The following L2HGDH variants were observed in gnomAD, a reference collection of about 807,000 sequenced individuals.
The protein encoded by L2HGDH is L-2-hydroxyglutarate dehydrogenase, also known as L-2-hydroxyglutarate dehydrogenase, mitochondrial.
A neutral mutation model predicts 51.5 loss-of-function variants in L2HGDH; 34 were observed. That is an observed-to-expected ratio of 0.66 (90% confidence interval 0.50 to 0.88). L2HGDH has a LOEUF of 0.88. L2HGDH is among the 40% of genes least tolerant of loss of function. The pLI is 0.00. For synonymous variants in L2HGDH, 198 were observed against 197.9 expected (o/e 1.00, Z -0.01); for missense variants, 558 against 571.9 (o/e 0.98, Z 0.25).
chr14:50,269,880 T>A (rs1191325443), intron 6 of L2HGDH, among the ~76,000 whole-genome samples: 3 of 151,918 alleles, frequency 2.0e-5, no homozygotes, highest in Non-Finnish European at 4.4e-5. Context: ...CATTTTAAAA[T>A]TAAAGTTATT....
In L2HGDH at chr14:50,245,114, C is replaced by T. The variant is rs1887940285; in HGVS notation, c.*1944G>A. On this transcript the variant is annotated 3_prime_UTR_variant, in exon 10 of 10. Coordinates refer to ENST00000267436, the MANE Select transcript of L2HGDH (RefSeq NM_024884.3). ...GAATGTAAGGCACTTTCGCGGTTTA[C>T]AAAAGTGAATGCCTCAAAGTTAGAT... 2 of 985,618 alleles carry T rather than the reference C, an allele frequency of 2.0e-6. No homozygotes were observed. The highest frequency in any genetic ancestry group is 9.4e-5 in the South Asian group (2 of 21,284). 61.1% of individuals were successfully genotyped at this position (985,618 alleles called of 1,614,324 possible).
Position 50,283,927 on chromosome 14 carries a change from T to G in L2HGDH, c.647A>C (p.Asn216Thr), listed in dbSNP as rs574500803. The G allele has an allele frequency of 1.9e-6, 3 of 1,613,996 alleles. No individual in the cohort carries two copies. The highest frequency in any genetic ancestry group is 2.5e-6 in the Non-Finnish European group (3 of 1,180,022). Residue 216 changes from asparagine (N) to threonine (T), a missense_variant, in exon 5 of 10, where the codon AAT (asparagine) becomes ACT (threonine). Asn to Thr is a moderately conservative substitution (Grantham distance 65). Transcript: ENST00000267436. The stretch of plus-strand genomic sequence containing the variant: ...CATTTCAATACCTTTTACTTCAAAA[T>G]TGGTCAAGACAGAGCCACCTGCTTC... ...FQEAGGSVLTNFEVKGIEMAK... is the reference protein window; with the variant it reads ...FQEAGGSVLTTFEVKGIEMAK...
intron 6 of L2HGDH, among the ~76,000 whole-genome samples, chr14:50,277,814 A>C (rs998136732): frequency 3.6e-5 from 5 of 138,680 alleles, no homozygotes; most frequent in African/African-American, 1.4e-4. Flanking sequence ...TAATAATAAT[A>C]ATAATAATAA....
At position 50,302,772 on chromosome 14, in the gene L2HGDH, T is replaced by C. The variant is rs556310510; in HGVS notation, c.256+130A>G. On this transcript the variant is annotated intron_variant, in intron 2 of 9. Transcript: ENST00000267436. ...TCTCAAATAACCTATAGCCATGTCC[T>C]TGTCCCACACTCTGCTTTTAGAACA... 87 of 740,626 alleles carry C rather than the reference T, an allele frequency of 1.2e-4. 1 individual carries two copies. Among genetic ancestry groups the C allele is most frequent in the East Asian group, 2.6e-4 (10 of 38,652 alleles). The allele number at this position is 740,626 out of a possible 1,614,324, so 45.9% of individuals were successfully genotyped here.
At chr14:50,309,469 G>T (rs945179260) in intron 1 of L2HGDH, among the ~76,000 whole-genome samples, 2 of 151,996 alleles carry the variant, frequency 1.3e-5, no homozygotes, top group African/African-American at 4.8e-5. Context: ...GGCTGAGGCA[G>T]GAGAATCCCT....
intron 9 of L2HGDH, among the ~76,000 whole-genome samples, chr14:50,263,798 G>A (rs549883262): frequency 3.5e-5 from 5 of 143,902 alleles, no homozygotes; most frequent in East Asian, 4.1e-4. Flanking sequence ...TTTGTGAGAC[G>A]GAGTTTTGCT....
At chr14:50,295,449 C>G (rs967627245) in intron 3 of L2HGDH, among the ~76,000 whole-genome samples, 17 of 152,088 alleles carry the variant, frequency 1.1e-4, no homozygotes, top group Admixed American at 2.6e-4. Context: ...TCCCATTGCC[C>G]AGGCTATAGT....
intron 1 of L2HGDH, among the ~76,000 whole-genome samples, chr14:50,303,825 A>C (rs2030569942): frequency 6.6e-6 from 1 of 151,266 alleles, no homozygotes; most frequent in South Asian, 2.1e-4. Context: ...AAAAAAAAAA[A>C]AAACCTCAAA....
chr14:50,299,055 A>G (rs2030251943), intron 3 of L2HGDH, among the ~76,000 whole-genome samples: 1 of 152,092 alleles, frequency 6.6e-6, no homozygotes, highest in Non-Finnish European at 1.5e-5. Context: ...GTTTTTTGAA[A>G]GGATAAATAG....
intron 6 of L2HGDH, among the ~76,000 whole-genome samples, chr14:50,272,427 C>A (rs1160937246): frequency 6.6e-6 from 1 of 152,176 alleles, no homozygotes; most frequent in African/African-American, 2.4e-5. Context: ...CATGACCCGG[C>A]AAATCTGATG....
intron 6 of L2HGDH, among the ~76,000 whole-genome samples, chr14:50,270,424 T>C (rs968077437): frequency 6.6e-6 from 1 of 152,188 alleles, no homozygotes; most frequent in Non-Finnish European, 1.5e-5. Context: ...TCTTCCCAGA[T>C]GACCTATTTT....
intron 1 of L2HGDH, 92 bp from the exon 2 acceptor site, chr14:50,303,109 C>T: frequency 1.2e-6 from 1 of 818,852 alleles, no homozygotes; most frequent in Non-Finnish European, 2.1e-6. Context: ...GACAATTAAA[C>T]CATTAATTTG....
At chr14:50,263,261 G>C (rs1889140574) in intron 9 of L2HGDH, among the ~76,000 whole-genome samples, 1 of 152,198 alleles carries the variant, frequency 6.6e-6, no homozygotes, top group South Asian at 2.1e-4. Flanking sequence ...TGCTAAAGCA[G>C]ATCACTGAAA....
At chr14:50,258,251 T>G (rs1888796519) in intron 9 of L2HGDH, among the ~76,000 whole-genome samples, 1 of 152,090 alleles carries the variant, frequency 6.6e-6, no homozygotes, top group Middle Eastern at 3.2e-3. Flanking sequence ...GGCCTCACTC[T>G]GTCACCCAGG....
intron 9 of L2HGDH, among the ~76,000 whole-genome samples, chr14:50,253,562 G>C (rs983519243): frequency 6.6e-5 from 10 of 152,032 alleles, no homozygotes; most frequent in African/African-American, 2.4e-4. Flanking sequence ...ATGGAGAAAT[G>C]GGAAACCTCA....
chr14:50,259,621 G>A (rs1210889093), intron 9 of L2HGDH, among the ~76,000 whole-genome samples: 1 of 151,552 alleles, frequency 6.6e-6, no homozygotes, highest in Admixed American at 6.6e-5. Flanking sequence ...TTGAGGTCAG[G>A]AGTCCAGACC....
At position 50,265,509 on chromosome 14, in the gene L2HGDH, AT is replaced by A; in HGVS notation, c.1065-21del. 1 of 1,605,590 alleles carries A rather than the reference AT, an allele frequency of 6.2e-7. No homozygotes were observed. Among genetic ancestry groups the A allele is most frequent in the Non-Finnish European group, 8.5e-7 (1 of 1,174,176 alleles). On this transcript the variant is annotated intron_variant, in intron 8 of 9. Coordinates refer to ENST00000267436, the MANE Select transcript of L2HGDH (RefSeq NM_024884.3). ...AAGCCACTGAAAACAGAGAAAAAAA[AT>A]CTTTATGAGAGAAAGGAATTCTTTA...
chr14:50,291,608 C>A (rs1219238974), intron 4 of L2HGDH, among the ~76,000 whole-genome samples: 2 of 152,188 alleles, frequency 1.3e-5, no homozygotes, highest in African/African-American at 4.8e-5. Flanking sequence ...CCAGCAGCGT[C>A]TTAGGAGCTT....
At chr14:50,265,129 G>A (rs1349778719) in intron 9 of L2HGDH, among the ~76,000 whole-genome samples, 1 of 152,156 alleles carries the variant, frequency 6.6e-6, no homozygotes, top group Non-Finnish European at 1.5e-5. Flanking sequence ...GAGCTGTAAG[G>A]CAGTCTAGAT....
Sources: gnomAD v4.1 joint callset for allele counts (sites outside exome capture counted in the v4.1 genomes callset) on GRCh38, gnomAD v4.1.1 for gene constraint, MANE v1.5 for transcripts, NCBI Gene and HGNC (gene_info 2026-07-23, HGNC 2026-07-21) for gene names.